Variants in OTUD4 observed in about 807,000 individuals in gnomAD.
OTUD4 encodes OTU deubiquitinase 4, also known as OTU domain-containing protein 4.
Under a neutral mutation model 130.4 loss-of-function variants are expected in OTUD4, and 24 were observed. The observed-to-expected ratio is 0.18, with a 90% CI of 0.13 to 0.26. The LOEUF is 0.26. Among genes scored for constraint, OTUD4 ranks in the 10% least tolerant of loss-of-function variants. OTUD4 has a pLI of 1.00. For synonymous variants in OTUD4, 420 were observed against 472.5 expected, an observed-to-expected ratio of 0.89 and a Z score of 1.44; for missense variants, 1,031 against 1,329.4, an observed-to-expected ratio of 0.78 and a Z score of 3.49.
rs1440108801 is a variant in OTUD4 at position 145,136,473 on chromosome 4, GGGGA to G, written c.*953_*956del. Reference sequence around the variant, plus strand: ...ACACAACCAATGGTGCGGGGGGGGGGGGGAGGAAGAAAACAACTCTAGAAACCTG... The same window carrying G: ...ACACAACCAATGGTGCGGGGGGGGGGGGAAGAAAACAACTCTAGAAACCTG... On this transcript the variant is annotated 3_prime_UTR_variant, in exon 21 of 21. Transcript: ENST00000447906. 7.9e-5 allele frequency: 4 copies of G among 50,320 alleles called. No individual in the cohort carries two copies. Among genetic ancestry groups the G allele is most frequent in the African/African-American group, 2.8e-4 (4 of 14,064 alleles). 3.1% of individuals were successfully genotyped at this position (50,320 alleles called of 1,614,324 possible). A position where few individuals can be genotyped will look rare whatever the true frequency, so the allele number is the denominator to read the frequency against.
rs573671598 is a variant in OTUD4 at position 145,134,843 on chromosome 4, C to T, written c.*2587G>A. ...GCACCTAACACAAAAAACAGGTGAGCTTTGGTCAGTCTGTTCTTCAAAATA... is the reference window on the plus strand; with the variant it reads ...GCACCTAACACAAAAAACAGGTGAGTTTTGGTCAGTCTGTTCTTCAAAATA... On this transcript the variant is annotated 3_prime_UTR_variant, in exon 21 of 21. Transcript: ENST00000447906. 3 of 398,942 alleles carry T rather than the reference C, an allele frequency of 7.5e-6. No homozygotes were observed. Among genetic ancestry groups the T allele is most frequent in the South Asian group, 1.3e-4 (1 of 7,852 alleles). The allele number at this position is 398,942 out of a possible 1,614,324, so 24.7% of individuals were successfully genotyped here. A position where few individuals can be genotyped will look rare whatever the true frequency, so the allele number is the denominator to read the frequency against.
At chr4:145,144,271 A>C in intron 15 of OTUD4, 40 bp downstream of exon 15, 1 of 1,592,158 alleles carries the variant, frequency 6.3e-7, no homozygotes, top group Non-Finnish European at 8.5e-7. Context: ...TCATCTAAAG[A>C]GATCTCTAGC....
chr4:145,150,799 T>G lies in OTUD4; in HGVS notation c.1072+3A>C. ...AAGGAATGATAGCTTGATGTGCTCCTACCAGAATGGAAATTTTGTCCAGAA... is the reference window on the plus strand; with the variant it reads ...AAGGAATGATAGCTTGATGTGCTCCGACCAGAATGGAAATTTTGTCCAGAA... On this transcript the variant is annotated splice_donor_region_variant and intron_variant, in intron 12 of 20. Coordinates refer to ENST00000447906, the MANE Select transcript of OTUD4 (RefSeq NM_001366057.1). 1 of 1,612,424 alleles carries G rather than the reference T, an allele frequency of 6.2e-7. No homozygotes were observed. The highest frequency in any genetic ancestry group is 8.5e-7 in the Non-Finnish European group (1 of 1,178,564).
chr4:145,139,657 T>A (rs1750460916), intron 20 of OTUD4, among the ~76,000 whole-genome samples: 1 of 152,218 alleles, frequency 6.6e-6, no homozygotes, highest in African/African-American at 2.4e-5. Context: ...AGCCCAGATT[T>A]ACATCTAATT....
At chr4:145,173,988 T>C (rs1410849450) in intron 2 of OTUD4, among the ~76,000 whole-genome samples, 1 of 152,002 alleles carries the variant, frequency 6.6e-6, no homozygotes, top group Admixed American at 6.6e-5. Context: ...CAGCGTATTT[T>C]TTACACTGCA....
In OTUD4 at chr4:145,156,878, T is replaced by TA. The variant is rs1751321745; in HGVS notation, c.630-883dup. Among the ~76,000 whole-genome samples the TA allele has an allele frequency of 4.6e-5, 7 of 152,298 alleles. No individual in the cohort carries two copies. The South Asian group carries it at 1.5e-3, about 32-fold the overall frequency. On this transcript the variant is annotated intron_variant, in intron 7 of 20. Coordinates refer to ENST00000447906, the MANE Select transcript of OTUD4 (RefSeq NM_001366057.1). Reference sequence around the variant, plus strand: ...TAGGTTTGAACTGTGCAGGTCCACTTACACACAGGTTTTTTGTTTCAACCA... The same window carrying TA: ...TAGGTTTGAACTGTGCAGGTCCACTTAACACACAGGTTTTTTGTTTCAACCA...
intron 1 of OTUD4, among the ~76,000 whole-genome samples, chr4:145,175,549 CTT>C (rs11406816): frequency 2.1e-5 from 3 of 145,806 alleles, no homozygotes; most frequent in Admixed American, 6.9e-5. Flanking sequence ...ACAACTATTT[CTT>C]TTTTTTTTTT....
chr4:145,139,387 A>G (rs941976700), intron 20 of OTUD4, among the ~76,000 whole-genome samples: 3 of 152,216 alleles, frequency 2.0e-5, no homozygotes, highest in Non-Finnish European at 4.4e-5. Flanking sequence ...AAAACCTAAC[A>G]TTTAACAAGG....
At chr4:145,156,165 T>C (rs111608230) in intron 7 of OTUD4, among the ~76,000 whole-genome samples, 169 bp from the exon 8 acceptor site, 199 of 152,358 alleles carry the variant, frequency 1.3e-3, no homozygotes, top group African/African-American at 4.2e-3. Flanking sequence ...AAAGGGTATA[T>C]GTATGTAAAT....
At position 145,137,261 on chromosome 4, in the gene OTUD4, C is replaced by T; in HGVS notation, c.*169G>A. ...TGGCAATGCCAGGAATTAACCTGCC[C>T]CCTTGAACTCATGTCCAAAATGTCT... On this transcript the variant is annotated 3_prime_UTR_variant, in exon 21 of 21. Coordinates refer to ENST00000447906, the MANE Select transcript of OTUD4 (RefSeq NM_001366057.1). The T allele has an allele frequency of 1.8e-6, 1 of 564,034 alleles. No homozygotes were observed. The highest frequency in any genetic ancestry group is 2.7e-5 in the South Asian group (1 of 36,764). 34.9% of individuals were successfully genotyped at this position (564,034 alleles called of 1,614,324 possible).
At chr4:145,156,698 T>A (rs932568799) in intron 7 of OTUD4, among the ~76,000 whole-genome samples, 359 of 150,690 alleles carry the variant, frequency 2.4e-3, no homozygotes, top group African/African-American at 7.8e-3. Flanking sequence ...AAAAAAAAAA[T>A]ACTCTACGTC....
chr4:145,171,608 G>T, intron 3 of OTUD4, 62 bp downstream of exon 3: 1 of 759,484 alleles, frequency 1.3e-6, no homozygotes, highest in South Asian at 1.6e-5. Context: ...CTATTTTAAT[G>T]AATTTTAAAT....
chr4:145,158,486 A>C (rs1373388983), intron 7 of OTUD4, among the ~76,000 whole-genome samples: 1 of 151,064 alleles, frequency 6.6e-6, no homozygotes, highest in Non-Finnish European at 1.5e-5. Context: ...CGATTCAAAA[A>C]CAAAACAAAA....
At chr4:145,179,756 C>T (rs1214965221) in intron 1 of OTUD4, 59 bp downstream of exon 1, 6 of 1,446,924 alleles carry the variant, frequency 4.1e-6, no homozygotes, top group Admixed American at 2.2e-5. Flanking sequence ...CCTCCCCACC[C>T]AGACCCGCCG....
intron 5 of OTUD4, among the ~76,000 whole-genome samples, chr4:145,163,145 A>T (rs749517092): frequency 5.3e-5 from 8 of 152,210 alleles, no homozygotes; most frequent in Non-Finnish European, 1.2e-4. Context: ...AGAAAAATGC[A>T]CATTGATTTT....
chr4:145,166,462 T>A (rs375525390), intron 3 of OTUD4, among the ~76,000 whole-genome samples: 64 of 151,660 alleles, frequency 4.2e-4, no homozygotes, highest in African/African-American at 1.5e-3. Flanking sequence ...AAAGTGTATG[T>A]AAAATAATGA....
In OTUD4 at chr4:145,137,449, T is replaced by C; in HGVS notation, c.3326A>G (p.His1109Arg). ...CAACCATCAAGTGTGCTGTCCCCTA[T>C]GGCCATCTCCCATCCCTGATCTCCT... ...DRRRSGMGDGHRGQHT is the reference protein window; with the variant it reads ...DRRRSGMGDGRRGQHT Residue 1109 changes from histidine to arginine, a missense_variant, in exon 21 of 21, where the codon CAT (histidine) becomes CGT (arginine). Around this residue, in one of 3 missense-constraint regions of OTUD4, gnomAD observed 900 missense variants for 1,095.9 expected, o/e 0.82. Transcript: ENST00000447906. The C allele has an allele frequency of 6.2e-7, 1 of 1,610,392 alleles. No individual in the cohort carries two copies. The highest frequency in any genetic ancestry group is 8.5e-7 in the Non-Finnish European group (1 of 1,177,336).
At chr4:145,152,803 A>C in intron 10 of OTUD4, among the ~76,000 whole-genome samples, 168 bp from the exon 11 acceptor site, 1 of 148,210 alleles carries the variant, frequency 6.7e-6, no homozygotes, top group African/African-American at 2.5e-5. Flanking sequence ...TGCAACCTCC[A>C]CCTCCCTGGT....
intron 4 of OTUD4, 148 bp from the exon 5 acceptor site, chr4:145,164,374 T>G (rs1337771041): frequency 2.5e-6 from 1 of 396,264 alleles, no homozygotes; most frequent in Admixed American, 4.4e-5. Flanking sequence ...ATAACTAAGT[T>G]GTAAAATATC....
Sources: gnomAD v4.1 joint callset for allele counts (sites outside exome capture counted in the v4.1 genomes callset) on GRCh38, gnomAD v4.1.1 for gene constraint, gnomAD v4.1.1 regional missense constraint, MANE v1.5 for transcripts, NCBI Gene and HGNC (gene_info 2026-07-23, HGNC 2026-07-21) for gene names.